JAKMIP2: variants seen among roughly 807,000 people sequenced by gnomAD.
The protein encoded by JAKMIP2 is janus kinase and microtubule interacting protein 2, also known as janus kinase and microtubule-interacting protein 2.
In JAKMIP2, 25 loss-of-function variants were observed where a neutral mutation model predicts 115.0. That is an observed-to-expected ratio of 0.22 (90% CI 0.16 to 0.30). The LOEUF (loss-of-function observed/expected upper bound fraction) is 0.30, where lower values mean the gene tolerates loss of function less well. Ranked by LOEUF, JAKMIP2 falls within the 10% of genes least tolerant of loss-of-function variation. JAKMIP2 has a pLI of 1.00. For missense variants in JAKMIP2, 642 were observed against 957.6 expected, an observed-to-expected ratio of 0.67 and a Z score of 4.35; for synonymous variants, 334 against 343.6, an observed-to-expected ratio of 0.97 and a Z score of 0.31.
At chr5:147,739,141 G>A (rs576763205) in intron 1 of JAKMIP2, among the ~76,000 whole-genome samples, 1 of 151,982 alleles carries the variant, frequency 6.6e-6, no homozygotes, top group Non-Finnish European at 1.5e-5. Flanking sequence ...GAGCCTGCTG[G>A]GGAAAGCTTA....
chr5:147,756,624 G>C (rs1754754625), intron 1 of JAKMIP2, among the ~76,000 whole-genome samples: 4 of 152,124 alleles, frequency 2.6e-5, no homozygotes, highest in Non-Finnish European at 5.9e-5. Flanking sequence ...CAGGTAAAGG[G>C]AGAACAAACA....
chr5:147,713,838 G>T (rs1752870078), intron 1 of JAKMIP2, among the ~76,000 whole-genome samples: 1 of 152,102 alleles, frequency 6.6e-6, no homozygotes, highest in Admixed American at 6.5e-5. Context: ...TTGTTTTTGG[G>T]CTGGGACTTC....
At chr5:147,702,537 G>C (rs1373206757) in intron 1 of JAKMIP2, among the ~76,000 whole-genome samples, 1 of 143,664 alleles carries the variant, frequency 7.0e-6, no homozygotes, top group African/African-American at 2.6e-5. Flanking sequence ...GAGGGAGAGA[G>C]AGAGAGACAA....
intron 1 of JAKMIP2, among the ~76,000 whole-genome samples, chr5:147,742,155 A>ATATATATATTTTTT: frequency 1.8e-5 from 2 of 108,904 alleles, no homozygotes; most frequent in African/African-American, 7.6e-5. Flanking sequence ...ATATATATAT[A>ATATATATATTTTTT]TTTTTTTTAC....
Position 147,684,014 on chromosome 5 carries a change from C to G in JAKMIP2, c.-148-12060G>C, listed in dbSNP as rs532051029. Among the ~76,000 whole-genome samples, 7 of 152,192 alleles carry G rather than the reference C, an allele frequency of 4.6e-5. No individual in the cohort carries two copies. In the South Asian group the frequency reaches 1.5e-3, roughly 32 times the overall value. ...GAATAAATTACAGAGCAATACAGAT[C>G]TGTTTTTAACACTGAGGATTCTTTT... On this transcript the variant is annotated intron_variant, in intron 1 of 21. Transcript: ENST00000616793.
intron 21 of JAKMIP2, among the ~76,000 whole-genome samples, chr5:147,600,836 C>T (rs942733925): frequency 6.6e-6 from 1 of 151,816 alleles, no homozygotes; most frequent in Non-Finnish European, 1.5e-5. Context: ...GAGACATGGA[C>T]TTAATAATAG....
chr5:147,701,484 G>C (rs1580803335), intron 1 of JAKMIP2, among the ~76,000 whole-genome samples: 2 of 152,236 alleles, frequency 1.3e-5, no homozygotes, highest in South Asian at 2.1e-4. Flanking sequence ...ATTAAGAGGA[G>C]GGGCCTTTGG....
At chr5:147,604,962 C>T (rs1033143868) in intron 20 of JAKMIP2, among the ~76,000 whole-genome samples, 4 of 151,794 alleles carry the variant, frequency 2.6e-5, no homozygotes, top group Non-Finnish European at 4.4e-5. Context: ...TCTCCTAATG[C>T]TATCCCTCCC....
chr5:147,708,885 A>C (rs1038067681), intron 1 of JAKMIP2, among the ~76,000 whole-genome samples: 1 of 152,224 alleles, frequency 6.6e-6, no homozygotes, highest in African/African-American at 2.4e-5. Flanking sequence ...GTGTGAACGC[A>C]GGCCATTACA....
At chr5:147,732,961 C>A (rs962610871) in intron 1 of JAKMIP2, among the ~76,000 whole-genome samples, 2 of 152,080 alleles carry the variant, frequency 1.3e-5, no homozygotes, top group African/African-American at 4.8e-5. Flanking sequence ...AAGAAATATC[C>A]AAAATTAAGA....
intron 11 of JAKMIP2, 45 bp downstream of exon 11, chr5:147,636,920 T>C (rs374996002): frequency 1.6e-5 from 14 of 871,620 alleles, no homozygotes; most frequent in South Asian, 6.5e-5. Flanking sequence ...GAAGGTCAGA[T>C]TGAATTGTCT....
intron 21 of JAKMIP2, among the ~76,000 whole-genome samples, chr5:147,597,144 A>G (rs990042364): frequency 6.6e-6 from 1 of 151,856 alleles, no homozygotes; most frequent in African/African-American, 2.4e-5. Flanking sequence ...CAGCCTCCCA[A>G]AGTGCTGGGA....
At chr5:147,706,500 A>G (rs1752565664) in intron 1 of JAKMIP2, among the ~76,000 whole-genome samples, 1 of 152,144 alleles carries the variant, frequency 6.6e-6, no homozygotes, top group South Asian at 2.1e-4. Context: ...TATTTTCTTA[A>G]CACTTTTTAT....
rs191964226 is a variant in JAKMIP2, at chr5:147,755,022, G to C, written c.-149+27434C>G. On this transcript the variant is annotated intron_variant, in intron 1 of 21. Coordinates refer to ENST00000616793, the MANE Select transcript of JAKMIP2 (RefSeq NM_001270941.2). ...AGGCTTGCAAAGTAAACTGGGTACA[G>C]ATTTTATGACTATAGAGTTGGAGCG... 1.6e-3 allele frequency among the ~76,000 whole-genome samples: 241 copies of C among 152,264 alleles called. 3 individuals carry two copies. The highest frequency in any genetic ancestry group is 5.5e-3 in the African/African-American group (229 of 41,562).
chr5:147,675,685 C>G (rs1759904275), intron 1 of JAKMIP2, among the ~76,000 whole-genome samples: 1 of 152,042 alleles, frequency 6.6e-6, no homozygotes, highest in Non-Finnish European at 1.5e-5. Flanking sequence ...TCTCTCAGCC[C>G]TAGGCAACCA....
chr5:147,645,021 GT>G (rs1394653895), intron 5 of JAKMIP2, 25 bp from the exon 6 acceptor site: 4 of 1,610,012 alleles, frequency 2.5e-6, no homozygotes, highest in Admixed American at 3.4e-5. Context: ...GTGAAGATTT[GT>G]GTCTTGCGTT....
At chr5:147,633,733 TC>T (rs1400740724) in intron 12 of JAKMIP2, among the ~76,000 whole-genome samples, 3 of 151,506 alleles carry the variant, frequency 2.0e-5, no homozygotes, top group Admixed American at 6.6e-5. Context: ...CTTGCTCTTG[TC>T]CCCGAGGCTG....
chr5:147,715,522 G>A (rs1580822487), intron 1 of JAKMIP2, among the ~76,000 whole-genome samples: 1 of 151,052 alleles, frequency 6.6e-6, no homozygotes, highest in Non-Finnish European at 1.5e-5. Context: ...AGCAGCCTGT[G>A]ACGGCTGTAT....
At chr5:147,616,762 G>T (rs1756602526) in intron 19 of JAKMIP2, among the ~76,000 whole-genome samples, 1 of 152,082 alleles carries the variant, frequency 6.6e-6, no homozygotes, top group African/African-American at 2.4e-5. Context: ...GGAACATGTA[G>T]GTATTTATCA....
Sources: gnomAD v4.1 joint callset for allele counts (sites outside exome capture counted in the v4.1 genomes callset) on GRCh38, gnomAD v4.1.1 for gene constraint, MANE v1.5 for transcripts, NCBI Gene and HGNC (gene_info 2026-07-23, HGNC 2026-07-21) for gene names.